SIPA1L3: variants seen among roughly 807,000 people sequenced by gnomAD.
SIPA1L3 encodes signal induced proliferation associated 1 like 3.
In SIPA1L3, 59 loss-of-function variants were observed where a neutral mutation model predicts 150.1. The ratio of observed to expected loss-of-function variants is 0.39; its 90% CI spans 0.32 to 0.49. The LOEUF is 0.49. SIPA1L3 is among the 20% of genes least tolerant of loss of function. The probability of loss-of-function intolerance (pLI) is 0.86; values close to 1 mark genes in which losing one functional copy is unlikely to be tolerated. For missense variants in SIPA1L3, 2,211 were observed against 2,489.5 expected (o/e 0.89, Z 2.38); for synonymous variants, 1,070 against 1,077.6 (o/e 0.99, Z 0.14).
At chr19:38,205,962 GC>G in intron 21 of SIPA1L3, 134 bp from the exon 22 acceptor site, 1 of 1,025,502 alleles carries the variant, frequency 9.8e-7, no homozygotes, top group Non-Finnish European at 1.4e-6. Context: ...TGGGATGTGT[GC>G]CCCGGCCTGG....
intron 8 of SIPA1L3, among the ~76,000 whole-genome samples, chr19:38,113,794 A>C (rs1970822347): frequency 6.6e-6 from 1 of 152,082 alleles, no homozygotes; most frequent in Non-Finnish European, 1.5e-5. Flanking sequence ...CACTGAAAAA[A>C]TAATTGTTGA....
At chr19:38,128,614 T>C (rs1246468942) in intron 9 of SIPA1L3, among the ~76,000 whole-genome samples, 1 of 151,646 alleles carries the variant, frequency 6.6e-6, no homozygotes, top group Non-Finnish European at 1.5e-5. Context: ...TTTCTTTCCT[T>C]GGCCGGGCGC....
chr19:38,059,674 A>G (rs1231284293), intron 2 of SIPA1L3, among the ~76,000 whole-genome samples: 1 of 152,246 alleles, frequency 6.6e-6, no homozygotes, highest in Admixed American at 6.5e-5. Flanking sequence ...GTGAATACAC[A>G]GTTTACCGAA....
At chr19:38,075,845 A>T (rs1251057150) in intron 2 of SIPA1L3, among the ~76,000 whole-genome samples, 4 of 150,658 alleles carry the variant, frequency 2.7e-5, no homozygotes, top group South Asian at 2.1e-4. Flanking sequence ...AATATTTTTT[A>T]AAAAATAAAA....
rs1972111706 is a variant in SIPA1L3 at position 38,162,375 on chromosome 19, A to G, written c.3780+4A>G. 1 of 1,610,410 alleles carries G rather than the reference A, an allele frequency of 6.2e-7. No individual in the cohort carries two copies. Among genetic ancestry groups the G allele is most frequent in the African/African-American group, 1.3e-5 (1 of 74,904 alleles). ...TTCCCCCAACAGGCATTCCAAAGTG[A>G]GTCTGGGCCCCACCCTGCCCTACCG... On this transcript the variant is annotated splice_donor_region_variant and intron_variant, in intron 14 of 21. Transcript: ENST00000222345.
intron 13 of SIPA1L3, among the ~76,000 whole-genome samples, chr19:38,158,214 C>T (rs1971993898): frequency 6.6e-6 from 1 of 152,000 alleles, no homozygotes; most frequent in East Asian, 1.9e-4. Flanking sequence ...GCCTGGGCAA[C>T]AGAGCAGTCT....
In SIPA1L3 at chr19:38,082,449, A is replaced by T; in HGVS notation, c.884A>T (p.Asp295Val). ...CCTGCGCGGGGCCTCGGCGGCGGGG[A>T]CACGGTGGACTCGTCCATCTTTCGG... is the stretch of plus-strand genomic sequence containing the variant. ...KKPARGLGGG[D>V]TVDSSIFRKL... Residue 295 changes from aspartate to valine, a missense_variant, in exon 3 of 22, where the codon GAC (aspartate) becomes GTC (valine). Physicochemically the swap from Asp to Val is radical, Grantham distance 152. This residue lies in a region of SIPA1L3 where 587 missense variants were observed against 534.5 expected (regional missense o/e 1.10). Transcript: ENST00000222345. The T allele has an allele frequency of 1.3e-6, 2 of 1,589,720 alleles. No individual in the cohort carries two copies. Among genetic ancestry groups the T allele is most frequent in the Non-Finnish European group, 1.7e-6 (2 of 1,169,656 alleles).
intron 1 of SIPA1L3, among the ~76,000 whole-genome samples, chr19:37,931,813 C>T: frequency 6.6e-6 from 1 of 152,250 alleles, no homozygotes; most frequent in Non-Finnish European, 1.5e-5. Context: ...TGGAGCTCCT[C>T]TGCTTGGGTT....
At chr19:37,957,348 C>T (rs1489523772) in intron 1 of SIPA1L3, among the ~76,000 whole-genome samples, 1 of 152,180 alleles carries the variant, frequency 6.6e-6, no homozygotes, top group Non-Finnish European at 1.5e-5. Flanking sequence ...TGTGTTGACT[C>T]TACATGTCAA....
At chr19:37,978,545 G>C (rs911287582) in intron 1 of SIPA1L3, among the ~76,000 whole-genome samples, 2 of 152,202 alleles carry the variant, frequency 1.3e-5, no homozygotes, top group Non-Finnish European at 2.9e-5. Context: ...GTGAGAAATT[G>C]AGGTGGGATT....
At chr19:38,130,421 G>A (rs751751488) in intron 9 of SIPA1L3, 77 bp from the exon 10 acceptor site, 17 of 1,487,402 alleles carry the variant, frequency 1.1e-5, no homozygotes, top group East Asian at 6.8e-5. Flanking sequence ...GCTTCAAAGC[G>A]GGGAACGTGA....
At chr19:38,190,738 A>C (rs1235840131) in intron 16 of SIPA1L3, among the ~76,000 whole-genome samples, 1 of 152,172 alleles carries the variant, frequency 6.6e-6, no homozygotes, top group Non-Finnish European at 1.5e-5. Context: ...AAATTCAGAC[A>C]CTTCAGAAGA....
chr19:38,151,022 C>T (rs1163787329), intron 12 of SIPA1L3, among the ~76,000 whole-genome samples: 1 of 152,172 alleles, frequency 6.6e-6, no homozygotes, highest in East Asian at 1.9e-4. Flanking sequence ...GCATCTTGAC[C>T]ACATTATCAA....
At position 37,938,765 on chromosome 19, in the gene SIPA1L3, G is replaced by A. The variant is rs112391426; in HGVS notation, c.-379+31407G>A. 5.4e-3 allele frequency among the ~76,000 whole-genome samples: 818 copies of A among 151,986 alleles called. 7 individuals carry two copies. The highest frequency in any genetic ancestry group is 0.019 in the African/African-American group (794 of 41,456). On this transcript the variant is annotated intron_variant, in intron 1 of 21. Transcript: ENST00000222345. Reference sequence around the variant, plus strand: ...AGCCTCACGAGTAGTTGGGATTGCAGGCACCTGCCACCACACCCAGCTAAT... The same window carrying A: ...AGCCTCACGAGTAGTTGGGATTGCAAGCACCTGCCACCACACCCAGCTAAT...
intron 2 of SIPA1L3, among the ~76,000 whole-genome samples, chr19:38,071,271 GCCTACCCTA>G (rs1218345363): frequency 6.7e-6 from 1 of 148,198 alleles, no homozygotes; most frequent in Non-Finnish European, 1.5e-5. Flanking sequence ...CTATCTGCCT[GCCTACCCTA>G]CCTACCTGCC....
rs760213075 is a variant in SIPA1L3 at position 38,101,165 on chromosome 19, C to T, written c.1968C>T (p.Leu656=). The T allele has an allele frequency of 6.2e-7, 1 of 1,609,714 alleles. No homozygotes were observed. The highest frequency in any genetic ancestry group is 8.5e-7 in the Non-Finnish European group (1 of 1,178,370). Residue 656 remains leucine (L), a synonymous_variant, in exon 6 of 22, where the codon CTC becomes CTT. Coordinates refer to ENST00000222345, the MANE Select transcript of SIPA1L3 (RefSeq NM_015073.3). ...CCGCCTTTGAGGAGTTCCTCTCCCT[C>T]ATCGGCGAGAAGGTCTGCCTGAAGG... ...AGPAFEEFLS[L]IGEKVCLKGF... is the part of the protein sequence containing the mutation.
intron 2 of SIPA1L3, among the ~76,000 whole-genome samples, chr19:38,076,454 G>A (rs61100737): frequency 0.017 from 2,626 of 152,202 alleles, 83 homozygotes; most frequent in African/African-American, 0.06. Context: ...TTGCTACTGC[G>A]GTGAGCTCAA....
intron 2 of SIPA1L3, among the ~76,000 whole-genome samples, chr19:38,049,244 C>G (rs1969131460): frequency 6.6e-6 from 1 of 152,108 alleles, no homozygotes; most frequent in Admixed American, 6.6e-5. Context: ...ATTCCTTCCC[C>G]CAGTCTGAAA....
At chr19:38,055,613 T>C (rs1969298216) in intron 2 of SIPA1L3, among the ~76,000 whole-genome samples, 1 of 152,214 alleles carries the variant, frequency 6.6e-6, no homozygotes, top group Non-Finnish European at 1.5e-5. Flanking sequence ...CCAACAAATG[T>C]GGACCTCTCT....
Sources: allele counts gnomAD v4.1 joint callset (sites outside exome capture counted in the v4.1 genomes callset), GRCh38; gene constraint gnomAD v4.1.1; regional missense constraint gnomAD v4.1.1; transcripts MANE v1.5; gene names NCBI Gene and HGNC (gene_info 2026-07-23, HGNC 2026-07-21).